The following ANKRD44 variants were observed in gnomAD, a reference collection of about 807,000 sequenced individuals.
ANKRD44 encodes the protein serine/threonine-protein phosphatase 6 regulatory ankyrin repeat subunit B.
A neutral mutation model predicts 116.0 loss-of-function variants in ANKRD44; 35 were observed. The observed-to-expected ratio is 0.30, with a 90% CI of 0.23 to 0.40. The LOEUF (loss-of-function observed/expected upper bound fraction) is 0.40. ANKRD44 is among the 10% of genes least tolerant of loss of function. The pLI, the probability that ANKRD44 is intolerant of heterozygous loss-of-function variation, is 1.00. For missense variants in ANKRD44, 1,014 were observed against 1,242.6 expected (o/e 0.82, Z 2.77); for synonymous variants, 435 against 461.8 (o/e 0.94, Z 0.74).
intron 1 of ANKRD44, among the ~76,000 whole-genome samples, chr2:197,270,228 C>T (rs2082859504): frequency 1.3e-5 from 2 of 151,958 alleles, no homozygotes. Flanking sequence ...GATGAGAGTG[C>T]AGGTAAAGAT....
At chr2:197,175,615 G>A (rs2080346167) in intron 2 of ANKRD44, among the ~76,000 whole-genome samples, 2 of 152,088 alleles carry the variant, frequency 1.3e-5, no homozygotes, top group South Asian at 4.1e-4. Flanking sequence ...CTGTTCCCAG[G>A]TGCTCAAAGC....
intron 3 of ANKRD44, among the ~76,000 whole-genome samples, chr2:197,140,447 T>C (rs2079333783): frequency 6.6e-6 from 1 of 152,082 alleles, no homozygotes; most frequent in South Asian, 2.1e-4. Context: ...GCCTCCAGAG[T>C]AGCTAGGACT....
Position 197,013,677 on chromosome 2 carries a change from A to G in ANKRD44, c.1758T>C (p.Leu586=), listed in dbSNP as rs1274137071. ...TGTCCAGGTCCACCAACGACTGCAG[A>G]AGGACTTCCAAGGCTTGATGGTGCC... ...YNGHHQALEV[L]LQSLVDLDIR... is the part of the protein sequence containing the mutation. The change falls in exon 18 of 28, where the codon CTT becomes CTC. Residue 586 remains leucine, a synonymous_variant. Coordinates refer to ENST00000282272, the MANE Select transcript of ANKRD44 (RefSeq NM_001195144.2). 1.9e-6 allele frequency: 3 copies of G among 1,613,426 alleles called. No homozygotes were observed. The highest frequency in any genetic ancestry group is 2.2e-5 in the East Asian group (1 of 44,892).
intron 1 of ANKRD44, among the ~76,000 whole-genome samples, chr2:197,204,378 A>C (rs560581351): frequency 3.3e-5 from 5 of 152,192 alleles, no homozygotes; most frequent in African/African-American, 1.2e-4. Flanking sequence ...ATTGTTAACT[A>C]TCATTTTTGT....
At chr2:196,996,725 A>G (rs2076018621) in intron 25 of ANKRD44, among the ~76,000 whole-genome samples, 1 of 152,030 alleles carries the variant, frequency 6.6e-6, no homozygotes, top group African/African-American at 2.4e-5. Flanking sequence ...CAGCATGGTG[A>G]AACTCCATCT....
intron 16 of ANKRD44, among the ~76,000 whole-genome samples, chr2:197,051,399 T>C (rs2077104495): frequency 6.6e-6 from 1 of 152,040 alleles, no homozygotes; most frequent in African/African-American, 2.4e-5. Flanking sequence ...CATTTACTCA[T>C]TCATTTATTT....
At chr2:197,182,926 G>T (rs1287444579) in intron 2 of ANKRD44, among the ~76,000 whole-genome samples, 1 of 152,154 alleles carries the variant, frequency 6.6e-6, no homozygotes, top group Non-Finnish European at 1.5e-5. Context: ...GGTTTCTTTG[G>T]CTGGGTTGAG....
chr2:197,109,390 G>A (rs1206397670), intron 9 of ANKRD44, among the ~76,000 whole-genome samples: 2 of 152,144 alleles, frequency 1.3e-5, no homozygotes, highest in South Asian at 2.1e-4. Context: ...GGTATTGCAC[G>A]GTTAATTTCT....
chr2:197,000,810 C>T (rs549746953), intron 22 of ANKRD44, among the ~76,000 whole-genome samples: 1 of 152,288 alleles, frequency 6.6e-6, no homozygotes, highest in East Asian at 1.9e-4. Flanking sequence ...GAGGCTGAGG[C>T]AGGTGGATCA....
chr2:197,120,785 C>G (rs2078833766), intron 8 of ANKRD44, among the ~76,000 whole-genome samples: 1 of 152,204 alleles, frequency 6.6e-6, no homozygotes, highest in African/African-American at 2.4e-5. Context: ...GCTCAACATT[C>G]ACCTCAGTAT....
chr2:197,158,191 T>C (rs1209602392), intron 2 of ANKRD44, among the ~76,000 whole-genome samples: 1 of 152,122 alleles, frequency 6.6e-6, no homozygotes, highest in African/African-American at 2.4e-5. Flanking sequence ...GTCTTCGGAG[T>C]ACCACCTTCC....
rs141930044 is a variant in ANKRD44, at chr2:197,157,983, G to T, written c.112-10878C>A. Among the ~76,000 whole-genome samples, 328 of 152,248 alleles carry T rather than the reference G, an allele frequency of 2.2e-3. 3 individuals are homozygous for T. The highest frequency in any genetic ancestry group is 7.3e-3 in the African/African-American group (305 of 41,554). ...AAAGTTGATAAAGTACCAACTATTT[G>T]TAAGGCCCTGATATCACTTGGCCAG... is the stretch of plus-strand genomic sequence containing the variant. On this transcript the variant is annotated intron_variant, in intron 2 of 27. Coordinates refer to ENST00000282272, the MANE Select transcript of ANKRD44 (RefSeq NM_001195144.2).
intron 2 of ANKRD44, among the ~76,000 whole-genome samples, chr2:197,164,818 G>T (rs77226302): frequency 0.041 from 6,069 of 149,648 alleles, 145 homozygotes; most frequent in Middle Eastern, 0.076. Flanking sequence ...GGTTTTGAGG[G>T]TTTTTTTTTT....
intron 21 of ANKRD44, among the ~76,000 whole-genome samples, chr2:196,981,501 C>T (rs538187547): frequency 1.3e-5 from 2 of 152,316 alleles, no homozygotes; most frequent in East Asian, 3.9e-4. Context: ...CCAGGCTGGG[C>T]GTGGTGGCCC....
chr2:197,066,978 C>T lies in ANKRD44; in HGVS notation c.1650+11725G>A, dbSNP rs192824139. ...CAAAAAAGAGCCCGCGTTGCCAAGA[C>T]AATCCTAAGCCAAAAGAACAAAGCT... On this transcript the variant is annotated intron_variant, in intron 16 of 27. Coordinates refer to ENST00000282272, the MANE Select transcript of ANKRD44 (RefSeq NM_001195144.2). 4.4e-3 allele frequency among the ~76,000 whole-genome samples: 664 copies of T among 152,310 alleles called. 2 individuals carry two copies. Among genetic ancestry groups the T allele is most frequent in the Non-Finnish European group, 5.1e-3 (349 of 68,034 alleles).
intron 1 of ANKRD44, among the ~76,000 whole-genome samples, chr2:197,232,768 C>T (rs1021235507): frequency 6.6e-6 from 1 of 152,226 alleles, no homozygotes; most frequent in Middle Eastern, 3.4e-3. Context: ...TGGCTTTGTC[C>T]CCTTCTCGCC....
At chr2:197,181,965 C>T (rs1368672026) in intron 2 of ANKRD44, among the ~76,000 whole-genome samples, 1 of 152,214 alleles carries the variant, frequency 6.6e-6, no homozygotes, top group African/African-American at 2.4e-5. Context: ...ATGGTTCCCT[C>T]CCCATCATCA....
chr2:197,166,153 A>C (rs369535426), intron 2 of ANKRD44, among the ~76,000 whole-genome samples: 57 of 152,220 alleles, frequency 3.7e-4, no homozygotes, highest in Non-Finnish European at 7.3e-4. Context: ...GGTCCAGTTC[A>C]GTACAACCCC....
At chr2:197,078,551 CTT>C in intron 16 of ANKRD44, 150 bp downstream of exon 16, 1 of 1,502,580 alleles carries the variant, frequency 6.7e-7, no homozygotes, top group Non-Finnish European at 9.0e-7. Context: ...AGAAAAAACA[CTT>C]TTTGAAATCA....
Sources: allele counts gnomAD v4.1 joint callset (sites outside exome capture counted in the v4.1 genomes callset), GRCh38; gene constraint gnomAD v4.1.1; transcripts MANE v1.5; gene names NCBI Gene and HGNC (gene_info 2026-07-23, HGNC 2026-07-21).